RELN: variants seen among roughly 807,000 people sequenced by gnomAD.
The protein encoded by RELN is reelin.
Under a neutral mutation model 427.6 loss-of-function variants are expected in RELN, and 108 were observed. That is an observed-to-expected ratio of 0.25 (90% CI 0.22 to 0.30). The LOEUF is 0.30. RELN is among the 10% of genes least tolerant of loss of function. RELN has a pLI of 1.00. For synonymous variants in RELN, 1,524 were observed against 1,513.4 expected (o/e 1.01, Z -0.16); for missense variants, 3,715 against 4,302.8 (o/e 0.86, Z 3.82).
chr7:103,596,327 A>G (rs1831536175), intron 25 of RELN, 129 bp downstream of exon 25: 4 of 768,708 alleles, frequency 5.2e-6, no homozygotes, highest in East Asian at 2.5e-5. Context: ...ATACTGGGCT[A>G]TCATTCATGT....
At position 103,984,380 on chromosome 7, in the gene RELN, T is replaced by C. The variant is rs188997105; in HGVS notation, c.226+4751A>G. Among the ~76,000 whole-genome samples the C allele has an allele frequency of 6.0e-3, 911 of 152,166 alleles. 9 individuals are homozygous for C. Among genetic ancestry groups the C allele is most frequent in the African/African-American group, 0.021 (863 of 41,566 alleles). ...ATTTTATTAACATTTTCAATGCAAA[T>C]AAAACTAATAGTTTAAAACAAAGAT... On this transcript the variant is annotated intron_variant, in intron 1 of 64. Coordinates refer to ENST00000428762, the MANE Select transcript of RELN (RefSeq NM_005045.4).
chr7:103,887,939 A>C (rs1351635617), intron 2 of RELN, among the ~76,000 whole-genome samples: 3 of 152,190 alleles, frequency 2.0e-5, no homozygotes, highest in African/African-American at 7.2e-5. Flanking sequence ...CTAGGATAGA[A>C]CTAGCCCAGG....
At chr7:103,520,950 A>AT (rs1369295908) in intron 48 of RELN, among the ~76,000 whole-genome samples, 49 of 110,604 alleles carry the variant, frequency 4.4e-4, no homozygotes, top group East Asian at 2.2e-3. Context: ...CTGGCAGTAA[A>AT]TTTGTTATTT....
chr7:103,537,191 A>G (rs1395154732), intron 45 of RELN, among the ~76,000 whole-genome samples: 1 of 152,142 alleles, frequency 6.6e-6, no homozygotes, highest in African/African-American at 2.4e-5. Flanking sequence ...TTTACCCTCT[A>G]TGTTCAACTC....
chr7:103,680,315 G>C (rs930807331), intron 11 of RELN, among the ~76,000 whole-genome samples: 3 of 151,982 alleles, frequency 2.0e-5, no homozygotes, highest in African/African-American at 7.3e-5. Context: ...GATGGGGGCT[G>C]GTAACACTGG....
Position 103,682,152 on chromosome 7 carries a change from T to C in RELN, c.1253A>G (p.Glu418Gly). 1 of 1,613,980 alleles carries C rather than the reference T, an allele frequency of 6.2e-7. No individual in the cohort carries two copies. The highest frequency in any genetic ancestry group is 8.5e-7 in the Non-Finnish European group (1 of 1,179,912). The change falls in exon 11 of 65, where the codon GAG becomes GGG. Residue 418 changes from glutamate to glycine, a missense_variant. Around this residue, in one of 4 missense-constraint regions of RELN, gnomAD observed 2,208 missense variants for 2,361.7 expected, o/e 0.93. Coordinates refer to ENST00000428762, the MANE Select transcript of RELN (RefSeq NM_005045.4). ...DVDLSTEDIQ[E>G]QWSEEFESQP... is the part of the protein sequence containing the mutation. ...GCTCTCAAATTCTTCTGACCATTGC[T>C]CTTGAATATCTTCTGTGGAAAGATC... is the stretch of plus-strand genomic sequence containing the variant.
chr7:103,479,696 G>A (rs1265908899), intron 63 of RELN, among the ~76,000 whole-genome samples: 1 of 152,030 alleles, frequency 6.6e-6, no homozygotes, highest in African/African-American at 2.4e-5. Flanking sequence ...ATGTATTTTA[G>A]AATTAAACCA....
At chr7:103,986,260 T>C (rs987197623) in intron 1 of RELN, among the ~76,000 whole-genome samples, 2 of 152,144 alleles carry the variant, frequency 1.3e-5, no homozygotes, top group Admixed American at 6.5e-5. Flanking sequence ...TGACATTTAA[T>C]TGAGAGATGA....
In RELN at chr7:103,919,133, CTTTT is replaced by C. The variant is rs1187538150; in HGVS notation, c.227-1952_227-1949del. 1.9e-4 allele frequency among the ~76,000 whole-genome samples: 19 copies of C among 101,332 alleles called. No homozygotes were observed. In the East Asian group the frequency reaches 2.6e-3, roughly 14 times the overall value. 66.5% of individuals were successfully genotyped at this position (101,332 alleles called of 152,430 possible). ...ATCCATATGTGAACTGATAATCGGT[CTTTT>C]TTTTTTTTTTTTTTTTTTTAGAAAG... On this transcript the variant is annotated intron_variant, in intron 1 of 64. Transcript: ENST00000428762.
intron 6 of RELN, among the ~76,000 whole-genome samples, chr7:103,743,503 G>T (rs1455456700): frequency 6.6e-6 from 1 of 152,138 alleles, no homozygotes; most frequent in African/African-American, 2.4e-5. Context: ...TCAGTGTGCT[G>T]TATTCAGGAA....
At chr7:103,601,795 CA>C (rs1831674989) in intron 24 of RELN, among the ~76,000 whole-genome samples, 1 of 152,122 alleles carries the variant, frequency 6.6e-6, no homozygotes, top group African/African-American at 2.4e-5. Context: ...CATCCCTAAC[CA>C]AGCGACACAG....
rs2286261 is a variant in RELN at position 103,496,547 on chromosome 7, A to G, written c.9172T>C (p.Leu3058=). The G allele has an allele frequency of 2.6e-5, 42 of 1,614,010 alleles. No individual in the cohort carries two copies. The East Asian group carries it at 7.1e-4, about 27-fold the overall frequency. Residue 3058 remains leucine (L), a synonymous_variant, in exon 56 of 65, where the codon TTG becomes CTG. Coordinates refer to ENST00000428762, the MANE Select transcript of RELN (RefSeq NM_005045.4). ...IGGAEINPSQ[L]VDTFDDEGTS... ...TTACCATCATCAAAAGTGTCCACCAATTGGCTGGGATTGATTTCTGCTCCA... is the reference window on the plus strand; with the variant it reads ...TTACCATCATCAAAAGTGTCCACCAGTTGGCTGGGATTGATTTCTGCTCCA...
At chr7:103,711,131 G>A (rs1015664569) in intron 8 of RELN, among the ~76,000 whole-genome samples, 51 of 152,136 alleles carry the variant, frequency 3.4e-4, no homozygotes, top group Non-Finnish European at 3.2e-4. Context: ...AACATTTCAG[G>A]GAGTTAACAA....
At chr7:103,499,329 AT>A (rs913274866) in intron 53 of RELN, among the ~76,000 whole-genome samples, 23 of 152,124 alleles carry the variant, frequency 1.5e-4, no homozygotes, top group Admixed American at 1.5e-3. Flanking sequence ...TCTTGGCTAC[AT>A]TTTTTTGTAA....
At chr7:103,983,603 C>T (rs1797036775) in intron 1 of RELN, among the ~76,000 whole-genome samples, 1 of 152,152 alleles carries the variant, frequency 6.6e-6, no homozygotes, top group African/African-American at 2.4e-5. Flanking sequence ...CTATAGAGTT[C>T]AGTTATTTTT....
At chr7:103,478,543 AAAG>A (rs1381167161) in intron 63 of RELN, 149 bp from the exon 64 acceptor site, 1 of 672,126 alleles carries the variant, frequency 1.5e-6, no homozygotes, top group Non-Finnish European at 2.7e-6. Context: ...AATAAAAATT[AAAG>A]AAGTTATTTC....
chr7:103,640,528 T>C lies in RELN; in HGVS notation c.2069+15A>G. ...TCAAAAAGGAGAAGCATAAGTGTTA[T>C]TTTAAGATGCTTACTTGCAACCATG... On this transcript the variant is annotated intron_variant, in intron 17 of 64. Transcript: ENST00000428762. This position sits in a 1 kb window ranked among gnomAD's most constrained non-coding sequence, Gnocchi z 4.1. The C allele has an allele frequency of 6.2e-7, 1 of 1,613,216 alleles. No individual in the cohort carries two copies. The highest frequency in any genetic ancestry group is 8.5e-7 in the Non-Finnish European group (1 of 1,179,302).
intron 2 of RELN, among the ~76,000 whole-genome samples, chr7:103,885,321 A>C (rs918415473): frequency 1.3e-5 from 2 of 148,628 alleles, no homozygotes; most frequent in Non-Finnish European, 3.0e-5. Flanking sequence ...GCTGGGCGAC[A>C]GAGCAAGACT....
At chr7:103,710,183 C>G (rs1789758956) in intron 8 of RELN, among the ~76,000 whole-genome samples, 1 of 152,154 alleles carries the variant, frequency 6.6e-6, no homozygotes, top group Non-Finnish European at 1.5e-5. Flanking sequence ...GAGGCTCTAG[C>G]AATATAGTCT....
Sources: allele counts gnomAD v4.1 joint callset (sites outside exome capture counted in the v4.1 genomes callset), GRCh38; gene constraint gnomAD v4.1.1; regional missense constraint gnomAD v4.1.1; non-coding constraint Gnocchi (gnomAD v3.1); transcripts MANE v1.5; gene names NCBI Gene and HGNC (gene_info 2026-07-23, HGNC 2026-07-21).